GAD2: variants seen among roughly 807,000 people sequenced by gnomAD.
GAD2 encodes 65 kDa glutamic acid decarboxylase.
In GAD2, 22 loss-of-function variants were observed where a neutral mutation model predicts 80.1. The ratio of observed to expected loss-of-function variants is 0.27; its 90% CI spans 0.20 to 0.39. The LOEUF is 0.39. Among genes scored for constraint, GAD2 ranks in the 10% least tolerant of loss-of-function variants. The pLI is 1.00. For missense variants in GAD2, 624 were observed against 738.4 expected (o/e 0.85, Z 1.80); for synonymous variants, 274 against 256.9 (o/e 1.07, Z -0.64).
At chr10:26,249,060 C>G (rs1027329446) in intron 8 of GAD2, among the ~76,000 whole-genome samples, 2 of 152,048 alleles carry the variant, frequency 1.3e-5, no homozygotes, top group African/African-American at 4.8e-5. Flanking sequence ...AAAGAAATTG[C>G]CTCTTTTTTT....
intron 8 of GAD2, among the ~76,000 whole-genome samples, chr10:26,249,323 A>G (rs542984152): frequency 2.0e-5 from 3 of 152,298 alleles, no homozygotes; most frequent in South Asian, 4.1e-4. Context: ...CGGCCTCTCA[A>G]AGTGCTGGGA....
intron 9 of GAD2, among the ~76,000 whole-genome samples, chr10:26,269,832 G>A (rs1441528998): frequency 6.6e-6 from 1 of 152,170 alleles, no homozygotes; most frequent in African/African-American, 2.4e-5. Flanking sequence ...ACGTTCATAT[G>A]CCCTTTTTCG....
intron 9 of GAD2, among the ~76,000 whole-genome samples, chr10:26,270,367 C>G (rs953330067): frequency 6.6e-6 from 1 of 152,130 alleles, no homozygotes; most frequent in Non-Finnish European, 1.5e-5. Flanking sequence ...GGGGACGTCC[C>G]TGACAGCCTC....
At chr10:26,269,240 G>T in intron 9 of GAD2, 67 bp downstream of exon 9, 7 of 1,346,612 alleles carry the variant, frequency 5.2e-6, no homozygotes, top group Non-Finnish European at 6.2e-6. Context: ...AACAAAATGT[G>T]TTTTGGTTTT....
chr10:26,269,713 A>G (rs1419741425), intron 9 of GAD2, among the ~76,000 whole-genome samples: 2 of 152,198 alleles, frequency 1.3e-5, no homozygotes, highest in East Asian at 3.8e-4. Flanking sequence ...CAAATCAGAG[A>G]ATTTGTTTCT....
At position 26,223,536 on chromosome 10, in the gene GAD2, G is replaced by A. The variant is rs111818401; in HGVS notation, c.521-351G>A. ...GGGTTGCAGTAGCATTTTAGCTTGC[G>A]AAAATATTGAAAATAGAAAAGAGAC... On this transcript the variant is annotated intron_variant, in intron 4 of 15. Transcript: ENST00000376261. Among the ~76,000 whole-genome samples the A allele has an allele frequency of 4.0e-3, 613 of 152,126 alleles. 1 individual carries two copies. The highest frequency in any genetic ancestry group is 0.01 in the Middle Eastern group (3 of 292).
chr10:26,219,228 G>A lies in GAD2; in HGVS notation c.472G>A (p.Glu158Lys). The A allele has an allele frequency of 1.9e-6, 3 of 1,613,708 alleles. No individual in the cohort carries two copies. The highest frequency in any genetic ancestry group is 2.5e-6 in the Non-Finnish European group (3 of 1,179,826). The change falls in exon 4 of 16, where the codon GAA (glutamate) becomes AAA (lysine). Residue 158 changes from glutamate to lysine, a missense_variant. Glu to Lys is a moderately conservative substitution (Grantham distance 56). Coordinates refer to ENST00000376261, the MANE Select transcript of GAD2 (RefSeq NM_001134366.2). Reference protein sequence around the residue: ...ELADQPQNLEEILMHCQTTLK... With the variant: ...ELADQPQNLEKILMHCQTTLK... ...GGCAGACCAACCACAAAATTTGGAG[G>A]AAATTTTGATGCATTGCCAAACAAC...
At chr10:26,297,580 G>A (rs567533189) in intron 15 of GAD2, among the ~76,000 whole-genome samples, 5 of 152,260 alleles carry the variant, frequency 3.3e-5, no homozygotes, top group Non-Finnish European at 5.9e-5. Flanking sequence ...CTCAACTTGC[G>A]TTCTTTATTT....
At chr10:26,290,104 A>T (rs1409752627) in intron 13 of GAD2, among the ~76,000 whole-genome samples, 1 of 152,174 alleles carries the variant, frequency 6.6e-6, no homozygotes, top group Non-Finnish European at 1.5e-5. Context: ...AAAAAATATT[A>T]AAGGGAAATG....
At chr10:26,227,588 C>T (rs3781116) in intron 6 of GAD2, among the ~76,000 whole-genome samples, 32,507 of 152,178 alleles carry the variant, frequency 0.21, 6,685 homozygotes, top group African/African-American at 0.54. Context: ...CATTTTGCTC[C>T]CCACAAGGGA....
chr10:26,298,126 C>T (rs931333474), intron 15 of GAD2, among the ~76,000 whole-genome samples: 34 of 152,224 alleles, frequency 2.2e-4, no homozygotes, highest in African/African-American at 7.2e-4. Context: ...TTATAGTGGT[C>T]TGGTTAGTAA....
intron 11 of GAD2, among the ~76,000 whole-genome samples, chr10:26,278,167 G>A (rs531562744): frequency 3.9e-5 from 6 of 152,276 alleles, no homozygotes; most frequent in Non-Finnish European, 8.8e-5. Flanking sequence ...AGGCCCCCAC[G>A]TAGAGATAAA....
At chr10:26,216,392 G>A, upstream of GAD2, 1 of 156,138 alleles carries the variant, frequency 6.4e-6, no homozygotes, top group Non-Finnish European at 1.4e-5. The surrounding 1 kb of genome is among the most constrained non-coding windows in gnomAD (Gnocchi z 4.7). Context: ...CAGCTGGCGT[G>A]CATGGTCTGC....
At chr10:26,258,632 A>C (rs2132297051) in intron 8 of GAD2, among the ~76,000 whole-genome samples, 1 of 152,338 alleles carries the variant, frequency 6.6e-6, no homozygotes, top group East Asian at 1.9e-4. Context: ...ATGGAATCAT[A>C]CAGGATTCGA....
At chr10:26,293,614 A>G (rs1834242454) in intron 15 of GAD2, among the ~76,000 whole-genome samples, 1 of 152,230 alleles carries the variant, frequency 6.6e-6, no homozygotes, top group Non-Finnish European at 1.5e-5. Context: ...TTGATGTTCC[A>G]AGTGAAACTG....
intron 7 of GAD2, among the ~76,000 whole-genome samples, chr10:26,230,953 G>A (rs1844593630): frequency 6.6e-6 from 1 of 152,122 alleles, no homozygotes; most frequent in Admixed American, 6.5e-5. Flanking sequence ...AGCCAGACAA[G>A]GTGGTAGGCA....
intron 15 of GAD2, among the ~76,000 whole-genome samples, chr10:26,298,288 T>G (rs994704452): frequency 6.6e-6 from 1 of 152,206 alleles, no homozygotes; most frequent in Non-Finnish European, 1.5e-5. Flanking sequence ...TCACATATAT[T>G]CATCAGAATA....
rs1276993275 is a variant in GAD2 at position 26,224,612 on chromosome 10, G to C, written c.685G>C (p.Gly229Arg). 29 of 1,613,760 alleles carry C rather than the reference G, an allele frequency of 1.8e-5. No homozygotes were observed. The highest frequency in any genetic ancestry group is 2.7e-5 in the African/African-American group (2 of 74,922). ...VTLKKMREII[G>R]WPGGSGDGIF... ...ACTAAAGAAAATGAGAGAAATCATTGGCTGGCCAGGGGGCTCTGGCGATGG... is the reference window on the plus strand; with the variant it reads ...ACTAAAGAAAATGAGAGAAATCATTCGCTGGCCAGGGGGCTCTGGCGATGG... The change falls in exon 6 of 16, where the codon GGC becomes CGC. Residue 229 changes from glycine (G) to arginine (R), a missense_variant. By Grantham distance (125) the Gly-to-Arg change is moderately radical. Coordinates refer to ENST00000376261, the MANE Select transcript of GAD2 (RefSeq NM_001134366.2).
chr10:26,294,422 C>A (rs532932720), intron 15 of GAD2, among the ~76,000 whole-genome samples: 1 of 152,328 alleles, frequency 6.6e-6, no homozygotes, highest in Non-Finnish European at 1.5e-5. Flanking sequence ...GGTCTTTAAA[C>A]CAAGCCTCCT....
Sources: gnomAD v4.1 joint callset for allele counts (sites outside exome capture counted in the v4.1 genomes callset) on GRCh38, gnomAD v4.1.1 for gene constraint, Gnocchi (gnomAD v3.1) non-coding constraint, MANE v1.5 for transcripts, NCBI Gene and HGNC (gene_info 2026-07-23, HGNC 2026-07-21) for gene names.